PRG4: variants seen among roughly 807,000 people sequenced by gnomAD.
PRG4 encodes the protein articular superficial zone protein.
PRG4 carries 61 observed loss-of-function variants against 91.2 expected under a neutral mutation model. That is an observed-to-expected ratio of 0.67 (90% CI 0.54 to 0.83). The LOEUF is 0.83. Ranked by LOEUF, PRG4 falls within the 40% of genes least tolerant of loss-of-function variation. The pLI is 0.00. For synonymous variants in PRG4, 576 were observed against 614.2 expected (o/e 0.94, Z 0.92); for missense variants, 1,564 against 1,714.2 (o/e 0.91, Z 1.55).
chr1:186,306,296 A>T (rs763517416), intron 6 of PRG4, 22 bp from the exon 7 acceptor site: 2 of 1,518,178 alleles, frequency 1.3e-6, no homozygotes, highest in Non-Finnish European at 1.8e-6. Flanking sequence ...CTAAAATAAC[A>T]AGATGTATAT....
Position 186,306,652 on chromosome 1 carries a change from A to C in PRG4, c.933A>C (p.Gln311His), listed in dbSNP as rs777421347. ...AGACTACTTCCGCTAAAGAGACACA[A>C]AGTATAGAGAAAACATCTGCTAAAG... ...KEKTTSAKET[Q>H]SIEKTSAKDL... The change falls in exon 7 of 13, where the codon CAA (glutamine) becomes CAC (histidine). Residue 311 changes from glutamine (Q) to histidine (H), a missense_variant. Coordinates refer to ENST00000445192, the MANE Select transcript of PRG4 (RefSeq NM_005807.6). 13 of 1,613,572 alleles carry C rather than the reference A, an allele frequency of 8.1e-6. No homozygotes were observed. The highest frequency in any genetic ancestry group is 3.3e-4 in the Middle Eastern group (2 of 6,080).
chr1:186,299,218 T>C (rs184593385), intron 2 of PRG4, among the ~76,000 whole-genome samples: 1 of 152,364 alleles, frequency 6.6e-6, no homozygotes, highest in East Asian at 1.9e-4. Flanking sequence ...TTTGCTTATT[T>C]GTTGCCTGGA....
At chr1:186,299,990 A>T (rs1656093219) in intron 2 of PRG4, 101 bp from the exon 3 acceptor site, 1 of 1,421,118 alleles carries the variant, frequency 7.0e-7, no homozygotes, top group South Asian at 1.2e-5. Context: ...TTCTCGATCA[A>T]TAAAATTCTC....
At chr1:186,310,944 A>T (rs537657761) in intron 8 of PRG4, 90 bp from the exon 9 acceptor site, 2 of 1,442,242 alleles carry the variant, frequency 1.4e-6, no homozygotes, top group Non-Finnish European at 1.9e-6. Context: ...CATACAATGC[A>T]TAAGAAAACT....
intron 2 of PRG4, among the ~76,000 whole-genome samples, chr1:186,299,427 C>A (rs1011996642): frequency 2.6e-5 from 4 of 152,138 alleles, no homozygotes; most frequent in African/African-American, 4.8e-5. Flanking sequence ...GGAGGCAAAG[C>A]GACAGGTGGA....
rs1482776754 is a variant in PRG4, at chr1:186,307,028, C to T, written c.1309C>T (p.Pro437Ser). 3 of 1,588,598 alleles carry T rather than the reference C, an allele frequency of 1.9e-6. No homozygotes were observed. Among genetic ancestry groups the T allele is most frequent in the East Asian group, 2.3e-5 (1 of 43,612 alleles). The change falls in exon 7 of 13, where the codon CCC becomes TCC. Residue 437 changes from proline (P) to serine (S), a missense_variant. Pro to Ser is a moderately conservative substitution (Grantham distance 74). This residue lies in a region of PRG4 where 48 missense variants were observed against 93.0 expected (regional missense o/e 0.52). Transcript: ENST00000445192. The stretch of plus-strand genomic sequence containing the variant: ...ACCCACCACTCCCAAGGAGCCTGCA[C>T]CCACCACCCCCAAGAAGCCTGCCCC... ...SAPTTPKEPA[P>S]TTPKKPAPTT...
chr1:186,306,063 C>T (rs1328835497), intron 6 of PRG4, among the ~76,000 whole-genome samples: 2 of 152,272 alleles, frequency 1.3e-5, no homozygotes, highest in African/African-American at 4.8e-5. Flanking sequence ...TAATTTTGAA[C>T]TTGCCACTGA....
At position 186,311,549 on chromosome 1, in the gene PRG4, C is replaced by T. The variant is rs571703726; in HGVS notation, c.3746C>T (p.Thr1249Ile). 6.2e-7 allele frequency: 1 copy of T among 1,614,030 alleles called. No individual in the cohort carries two copies. ...GGACAAATAGTGGCAGCGCTTTCAA[C>T]AGCTAAATATAAGAACTGGCCTGAA... ...LTGQIVAALS[T>I]AKYKNWPESV... The change falls in exon 10 of 13, where the codon ACA becomes ATA. Residue 1249 changes from threonine (T) to isoleucine (I), a missense_variant. This residue lies in a region of PRG4 where 1,079 missense variants were observed against 1,162.2 expected (regional missense o/e 0.93). Transcript: ENST00000445192.
In PRG4 at chr1:186,308,660, C is replaced by G; in HGVS notation, c.2941C>G (p.Leu981Val). The G allele has an allele frequency of 6.2e-7, 1 of 1,612,028 alleles. No individual in the cohort carries two copies. The highest frequency in any genetic ancestry group is 8.5e-7 in the Non-Finnish European group (1 of 1,179,644). ...AATTACTACTCTTAAAACAACTACTCTTGCACCCAAAGTAACTACAACAAA... is the reference window on the plus strand; with the variant it reads ...AATTACTACTCTTAAAACAACTACTGTTGCACCCAAAGTAACTACAACAAA... ...FKITTLKTTT[L>V]APKVTTTKKT... Residue 981 changes from leucine (L) to valine (V), a missense_variant, in exon 7 of 13, where the codon CTT (leucine) becomes GTT (valine). Physicochemically the swap from Leu to Val is conservative, Grantham distance 32. Coordinates refer to ENST00000445192, the MANE Select transcript of PRG4 (RefSeq NM_005807.6).
intron 8 of PRG4, among the ~76,000 whole-genome samples, chr1:186,310,135 T>TGGGG (rs33985418): frequency 4.6e-5 from 4 of 86,364 alleles, no homozygotes; most frequent in African/African-American, 1.2e-4. Context: ...TCATTTTTTT[T>TGGGG]GGGGGGGGGG....
In PRG4 at chr1:186,308,260, T is replaced by C. The variant is rs1656892520; in HGVS notation, c.2541T>C (p.Pro847=). Reference sequence around the variant, plus strand: ...CCAAGAAGCCTGCTCCAACTACTCCTGAGACACCTCCTCCAACCACTTCAG... The same window carrying C: ...CCAAGAAGCCTGCTCCAACTACTCCCGAGACACCTCCTCCAACCACTTCAG... ...TTPKKPAPTT[P]ETPPPTTSEV... is the part of the protein sequence containing the mutation. The change falls in exon 7 of 13, where the codon CCT becomes CCC. Residue 847 remains proline (P), a synonymous_variant. Transcript: ENST00000445192. 1.2e-6 allele frequency: 2 copies of C among 1,613,828 alleles called. No homozygotes were observed. Among genetic ancestry groups the C allele is most frequent in the Non-Finnish European group, 1.7e-6 (2 of 1,179,956 alleles).
intron 10 of PRG4, 142 bp downstream of exon 10, chr1:186,311,738 G>C: frequency 2.2e-6 from 2 of 899,136 alleles, no homozygotes; most frequent in Non-Finnish European, 3.4e-6. Context: ...AATATTGAGG[G>C]TAGTATTCTT....
At chr1:186,299,831 AC>A (rs1394829815) in intron 2 of PRG4, among the ~76,000 whole-genome samples, 1 of 152,094 alleles carries the variant, frequency 6.6e-6, no homozygotes, top group Non-Finnish European at 1.5e-5. Flanking sequence ...TAGGAGTATC[AC>A]CCTCTTTAGG....
rs1241944799 is a variant in PRG4, at chr1:186,313,032, G to C, written c.4117+138G>C. 1.3e-5 allele frequency: 12 copies of C among 928,574 alleles called. No individual in the cohort carries two copies. The Admixed American group carries it at 2.5e-4, about 19-fold the overall frequency. The allele number at this position is 928,574 out of a possible 1,614,324, so 57.5% of individuals were successfully genotyped here. Reference sequence around the variant, plus strand: ...TACTTATTCTAATTGCTGTGGAAAAGAGTTAAGACTTTTGCTTTAATTTCA... The same window carrying C: ...TACTTATTCTAATTGCTGTGGAAAACAGTTAAGACTTTTGCTTTAATTTCA... On this transcript the variant is annotated intron_variant, in intron 12 of 12. Coordinates refer to ENST00000445192, the MANE Select transcript of PRG4 (RefSeq NM_005807.6).
rs759771549 is a variant in PRG4 at position 186,309,007 on chromosome 1, T to C, written c.3288T>C (p.Asp1096=). The C allele has an allele frequency of 3.7e-5, 59 of 1,610,730 alleles. No homozygotes were observed. Among genetic ancestry groups the C allele is most frequent in the Non-Finnish European group, 4.8e-5 (57 of 1,178,060 alleles). ...KLVEVNPKSE[D]AGGAEGETPH... ...TTGAAGTAAATCCAAAGAGTGAAGA[T>C]GCAGGTGGTGCTGAAGGAGAAACAC... The change falls in exon 7 of 13, where the codon GAT becomes GAC. Residue 1096 remains aspartate (D), a synonymous_variant. Transcript: ENST00000445192.
chr1:186,304,023 AGCTAGATGCATCTGT>A, intron 4 of PRG4, 70 bp from the exon 5 acceptor site: 2 of 1,426,254 alleles, frequency 1.4e-6, no homozygotes, highest in Non-Finnish European at 2.0e-6. Flanking sequence ...CTACTCTTGA[AGCTAGATGCATCTGT>A]GCTTTTCACA....
chr1:186,309,025 A>G lies in PRG4; in HGVS notation c.3306A>G (p.Gly1102=), dbSNP rs1429536459. 2.5e-6 allele frequency: 4 copies of G among 1,611,870 alleles called. No individual in the cohort carries two copies. The South Asian group carries it at 4.4e-5, about 18-fold the overall frequency. ...PKSEDAGGAE[G]ETPHMLLRPH... ...GTGAAGATGCAGGTGGTGCTGAAGG[A>G]GAAACACCTCATATGCTTCTCAGGC... is the stretch of plus-strand genomic sequence containing the variant. The change falls in exon 7 of 13, where the codon GGA becomes GGG. Residue 1102 remains glycine (G), a synonymous_variant. Transcript: ENST00000445192.
rs138799521 is a variant in PRG4 at position 186,300,069 on chromosome 1, C to T, written c.77-22C>T. The T allele has an allele frequency of 2.7e-3, 4,278 of 1,613,590 alleles. 151 individuals carry two copies. In the Admixed American group the frequency reaches 0.065, roughly 24 times the overall value. The stretch of plus-strand genomic sequence containing the variant: ...CTATAAAGTGGTTTGGCCATATTTA[C>T]GCCAGTATTGTATAATTTTAGATTT... On this transcript the variant is annotated intron_variant, in intron 2 of 12. Coordinates refer to ENST00000445192, the MANE Select transcript of PRG4 (RefSeq NM_005807.6).
chr1:186,313,055 T>A (rs1657402993), intron 12 of PRG4, 161 bp downstream of exon 12: 1 of 736,748 alleles, frequency 1.4e-6, no homozygotes, highest in Non-Finnish European at 2.2e-6. Flanking sequence ...TGCTTTAATT[T>A]CAATTAAAAT....
Sources: gnomAD v4.1 joint callset for allele counts (sites outside exome capture counted in the v4.1 genomes callset) on GRCh38, gnomAD v4.1.1 for gene constraint, gnomAD v4.1.1 regional missense constraint, MANE v1.5 for transcripts, NCBI Gene and HGNC (gene_info 2026-07-23, HGNC 2026-07-21) for gene names.